Variants in TXNDC16 observed in about 807,000 individuals in gnomAD.
The protein encoded by TXNDC16 is thioredoxin domain containing 16, also known as thioredoxin domain-containing protein 16.
A neutral mutation model predicts 85.6 loss-of-function variants in TXNDC16; 74 were observed. That is an observed-to-expected ratio of 0.86 (90% CI 0.72 to 1.05). The LOEUF is 1.05. Ranked by LOEUF, TXNDC16 falls within the 50% of genes least tolerant of loss-of-function variation. The pLI is 0.00. For synonymous variants in TXNDC16, 335 were observed against 326.5 expected (o/e 1.03, Z -0.28); for missense variants, 959 against 947.0 (o/e 1.01, Z -0.17).
intron 6 of TXNDC16, among the ~76,000 whole-genome samples, chr14:52,532,658 A>G (rs572289780): frequency 2.6e-5 from 4 of 151,950 alleles, no homozygotes; most frequent in Non-Finnish European, 5.9e-5. Context: ...GGATGGTCTC[A>G]ATCTCCTGAC....
chr14:52,438,138 G>C (rs988034956), intron 20 of TXNDC16, among the ~76,000 whole-genome samples: 1 of 152,136 alleles, frequency 6.6e-6, no homozygotes, highest in African/African-American at 2.4e-5. Flanking sequence ...GGAAACTACT[G>C]GTGAAAATGC....
intron 7 of TXNDC16, among the ~76,000 whole-genome samples, chr14:52,516,259 C>T (rs1173048480): frequency 6.6e-6 from 1 of 152,134 alleles, no homozygotes; most frequent in Non-Finnish European, 1.5e-5. Context: ...TATCTAACAC[C>T]TTCCTGTGAG....
intron 7 of TXNDC16, among the ~76,000 whole-genome samples, chr14:52,518,236 A>G (rs1259689416): frequency 6.6e-6 from 1 of 152,160 alleles, no homozygotes; most frequent in African/African-American, 2.4e-5. Flanking sequence ...CTGGTCTCAC[A>G]ACTTTATTTC....
Position 52,470,135 on chromosome 14 carries a change from T to C in TXNDC16, c.1520A>G (p.Gln507Arg). ...ISYPVNITSI[Q>R]EAEEYLSGEL... is the part of the protein sequence containing the mutation. ...CCCACTTAAATATTCTTCTGCTTCT[T>C]GGATCGATGTTATATTCACTGGATA... The change falls in exon 16 of 21, where the codon CAA (glutamine) becomes CGA (arginine). Residue 507 changes from glutamine (Q) to arginine (R), a missense_variant. Coordinates refer to ENST00000281741, the MANE Select transcript of TXNDC16 (RefSeq NM_020784.3). 6.2e-7 allele frequency: 1 copy of C among 1,611,000 alleles called. No homozygotes were observed. Among genetic ancestry groups the C allele is most frequent in the Non-Finnish European group, 8.5e-7 (1 of 1,178,160 alleles).
At position 52,488,399 on chromosome 14, in the gene TXNDC16, C is replaced by T. The variant is rs376687461; in HGVS notation, c.1072G>A (p.Glu358Lys). 51 of 1,613,466 alleles carry T rather than the reference C, an allele frequency of 3.2e-5. No individual in the cohort carries two copies. The highest frequency in any genetic ancestry group is 4.3e-5 in the Non-Finnish European group (51 of 1,179,712). The change falls in exon 12 of 21, where the codon GAA becomes AAA. Residue 358 changes from glutamate (E) to lysine (K), a missense_variant. Physicochemically the swap from Glu to Lys is moderately conservative, Grantham distance 56. Coordinates refer to ENST00000281741, the MANE Select transcript of TXNDC16 (RefSeq NM_020784.3). Reference protein sequence around the residue: ...ENNMHIEEIQEDEDNDMEGPD... With the variant: ...ENNMHIEEIQKDEDNDMEGPD... ...CCTTCCATGTCATTGTCTTCATCTT[C>T]TTGTATTTCCTCAATGTGCATATTA...
rs779545961 is a variant in TXNDC16, at chr14:52,470,604, T to C, written c.1389A>G (p.Glu463=). 55 of 1,613,890 alleles carry C rather than the reference T, an allele frequency of 3.4e-5. No homozygotes were observed. Among genetic ancestry groups the C allele is most frequent in the Non-Finnish European group, 4.4e-5 (52 of 1,179,962 alleles). Residue 463 remains glutamate (E), a synonymous_variant, in exon 15 of 21, where the codon GAA becomes GAG. Transcript: ENST00000281741. ...TCTTGTACATCTTTATGATAGGAAATTCAGTAACATTTTGCTTAGTACATA... is the reference window on the plus strand; with the variant it reads ...TCTTGTACATCTTTATGATAGGAAACTCAGTAACATTTTGCTTAGTACATA... ...SDVCTKQNVT[E]FPIIKMYKKG... is the part of the protein sequence containing the mutation.
At chr14:52,501,874 T>G (rs997027233) in intron 9 of TXNDC16, among the ~76,000 whole-genome samples, 1 of 152,146 alleles carries the variant, frequency 6.6e-6, no homozygotes, top group African/African-American at 2.4e-5. Flanking sequence ...TTTAAAGAAA[T>G]AAAACATAAA....
At chr14:52,439,106 T>C in intron 20 of TXNDC16, 98 bp downstream of exon 20, 1 of 1,276,884 alleles carries the variant, frequency 7.8e-7, no homozygotes, top group East Asian at 2.5e-5. Context: ...TACCAGCATT[T>C]TAATAACTCA....
chr14:52,488,708 C>T (rs1001860943), intron 11 of TXNDC16, among the ~76,000 whole-genome samples: 1 of 151,726 alleles, frequency 6.6e-6, no homozygotes, highest in Non-Finnish European at 1.5e-5. Flanking sequence ...GTGGCGCACG[C>T]CTGTAATCCC....
intron 18 of TXNDC16, among the ~76,000 whole-genome samples, chr14:52,449,016 A>G (rs2035347930): frequency 1.3e-5 from 2 of 152,040 alleles, no homozygotes; most frequent in Non-Finnish European, 2.9e-5. Context: ...CACCTTCACT[A>G]AAAAGATGAC....
intron 7 of TXNDC16, among the ~76,000 whole-genome samples, chr14:52,517,939 T>C (rs1354357021): frequency 2.6e-5 from 4 of 152,132 alleles, no homozygotes; most frequent in Non-Finnish European, 5.9e-5. Context: ...CCCCTACCAC[T>C]CTACAGAAAC....
chr14:52,460,917 C>A (rs1230988727), intron 16 of TXNDC16, among the ~76,000 whole-genome samples: 1 of 152,002 alleles, frequency 6.6e-6, no homozygotes, highest in African/African-American at 2.4e-5. Context: ...AATTCTAAAG[C>A]TGATTTTAAT....
chr14:52,471,855 T>C (rs1178220050), intron 14 of TXNDC16, among the ~76,000 whole-genome samples: 1 of 151,462 alleles, frequency 6.6e-6, no homozygotes, highest in African/African-American at 2.4e-5. Flanking sequence ...CTCTAAAATA[T>C]TATAAATCAC....
At chr14:52,467,342 T>C (rs1399560553) in intron 16 of TXNDC16, among the ~76,000 whole-genome samples, 1 of 152,094 alleles carries the variant, frequency 6.6e-6, no homozygotes. Context: ...AGAAAATATT[T>C]ACAAATCAAA....
rs143042864 is a variant in TXNDC16, at chr14:52,498,018, C to T, written c.757-7013G>A. On this transcript the variant is annotated intron_variant, in intron 9 of 20. Transcript: ENST00000281741. The stretch of plus-strand genomic sequence containing the variant: ...AGAAACTAATTAATGTAATACTGTA[C>T]ACCAAATTGACAGAACAAAGGACAA... Among the ~76,000 whole-genome samples the T allele has an allele frequency of 3.4e-4, 51 of 151,906 alleles. 1 individual carries two copies. In the Middle Eastern group the frequency reaches 0.027, roughly 81 times the overall value.
chr14:52,462,999 GGATA>G lies in TXNDC16; in HGVS notation c.1619-5829_1619-5826del, dbSNP rs1489155485. On this transcript the variant is annotated intron_variant, in intron 16 of 20. Coordinates refer to ENST00000281741, the MANE Select transcript of TXNDC16 (RefSeq NM_020784.3). ...TGAGTGCAAGAAAAAGAAACAAAGG[GGATA>G]GAACACAAAAGTCCCTGCAAATTTC... 4 of 455,406 alleles carry G rather than the reference GGATA, an allele frequency of 8.8e-6. No individual in the cohort carries two copies. The Admixed American group carries it at 9.4e-5, about 11-fold the overall frequency. 28.2% of individuals were successfully genotyped at this position (455,406 alleles called of 1,614,324 possible). A position where few individuals can be genotyped will look rare whatever the true frequency, so the allele number is the denominator to read the frequency against.
Position 52,491,006 on chromosome 14 carries a change from CTTCA to C in TXNDC16, c.757-5_757-2del. The C allele has an allele frequency of 1.8e-6, 2 of 1,093,766 alleles. No homozygotes were observed. The highest frequency in any genetic ancestry group is 2.5e-6 in the Non-Finnish European group (2 of 809,754). 67.8% of individuals were successfully genotyped at this position (1,093,766 alleles called of 1,614,324 possible). Reference sequence around the variant, plus strand: ...GTTGAGGATCTTCAGCAACTTCAGTCTTCATTGAAAAAAAAAAAAAAAAAAGGTG... The same window carrying C: ...GTTGAGGATCTTCAGCAACTTCAGTCTTGAAAAAAAAAAAAAAAAAAGGTG... On this transcript the variant is annotated splice_acceptor_variant and splice_polypyrimidine_tract_variant and intron_variant, in intron 9 of 20. Coordinates refer to ENST00000281741, the MANE Select transcript of TXNDC16 (RefSeq NM_020784.3). LOFTEE classifies it high-confidence loss of function.
At chr14:52,533,519 C>T (rs547699880) in intron 6 of TXNDC16, among the ~76,000 whole-genome samples, 1 of 152,312 alleles carries the variant, frequency 6.6e-6, no homozygotes, top group South Asian at 2.1e-4. Flanking sequence ...GATCACATCA[C>T]TTGCCTGCCT....
chr14:52,530,039 T>A (rs1163413592), intron 6 of TXNDC16, among the ~76,000 whole-genome samples: 1 of 89,738 alleles, frequency 1.1e-5, no homozygotes, highest in Non-Finnish European at 1.9e-5. Context: ...ATTATTTTTA[T>A]GTAATTTATT....
Sources: gnomAD v4.1 joint callset for allele counts (sites outside exome capture counted in the v4.1 genomes callset) on GRCh38, gnomAD v4.1.1 for gene constraint, MANE v1.5 for transcripts, NCBI Gene and HGNC (gene_info 2026-07-23, HGNC 2026-07-21) for gene names.